Variants in UTRN observed in about 807,000 individuals in gnomAD.
UTRN encodes the protein utrophin, also known as dystrophin-related protein 1.
Under a neutral mutation model 463.9 loss-of-function variants are expected in UTRN, and 283 were observed. That is an observed-to-expected ratio of 0.61 (90% CI 0.55 to 0.67). The LOEUF is 0.67. UTRN is among the 30% of genes least tolerant of loss of function. The pLI, the probability that UTRN is intolerant of heterozygous loss-of-function variation, is 0.00. For synonymous variants in UTRN, 1,442 were observed against 1,431.5 expected, an observed-to-expected ratio of 1.01 and a Z score of -0.17; for missense variants, 3,922 against 4,084.3, an observed-to-expected ratio of 0.96 and a Z score of 1.08.
At chr6:144,696,232 A>T (rs1387371590) in intron 52 of UTRN, among the ~76,000 whole-genome samples, 1 of 151,838 alleles carries the variant, frequency 6.6e-6, no homozygotes, top group African/African-American at 2.4e-5. Context: ...CTAATAGAGG[A>T]ACTGCTCTCT....
At chr6:144,707,886 C>A (rs751303895) in intron 53 of UTRN, among the ~76,000 whole-genome samples, 2 of 151,962 alleles carry the variant, frequency 1.3e-5, no homozygotes, top group South Asian at 2.1e-4. Flanking sequence ...CAAAACTATT[C>A]GTATAGAAAA....
chr6:144,622,496 C>T (rs1488707692), intron 51 of UTRN, among the ~76,000 whole-genome samples: 1 of 151,912 alleles, frequency 6.6e-6, no homozygotes, highest in East Asian at 1.9e-4. Flanking sequence ...TGGATGGTAT[C>T]TTCTAATCAA....
intron 39 of UTRN, among the ~76,000 whole-genome samples, chr6:144,517,276 TA>T (rs1795702920): frequency 6.6e-6 from 1 of 152,104 alleles, no homozygotes; most frequent in Non-Finnish European, 1.5e-5. Context: ...ATTTCTAGTT[TA>T]AAAATAACTC....
intron 52 of UTRN, among the ~76,000 whole-genome samples, chr6:144,699,689 T>C (rs1029170431): frequency 2.4e-4 from 36 of 150,492 alleles, no homozygotes; most frequent in African/African-American, 8.3e-4. Flanking sequence ...TGGTTTATAA[T>C]TGTACATTCT....
chr6:144,576,220 G>C (rs948669143), intron 50 of UTRN, among the ~76,000 whole-genome samples: 1 of 152,084 alleles, frequency 6.6e-6, no homozygotes, highest in East Asian at 1.9e-4. Flanking sequence ...AAACATTTGT[G>C]TACAAGTTTT....
chr6:144,428,898 T>G lies in UTRN; in HGVS notation c.694+5T>G, dbSNP rs1346752735. 1.9e-6 allele frequency: 3 copies of G among 1,566,418 alleles called. No homozygotes were observed. The highest frequency in any genetic ancestry group is 1.4e-5 in the African/African-American group (1 of 73,202). ...AAAAGCTGTTAGATCCTGAAGGTAT[T>G]GTCCAGTATTTAATTTCCACCTTGA... is the stretch of plus-strand genomic sequence containing the variant. On this transcript the variant is annotated splice_donor_5th_base_variant and intron_variant, in intron 8 of 74. Transcript: ENST00000367545.
At chr6:144,649,962 A>G (rs1778643958) in intron 51 of UTRN, among the ~76,000 whole-genome samples, 1 of 152,200 alleles carries the variant, frequency 6.6e-6, no homozygotes, top group South Asian at 2.1e-4. Context: ...GCTCATTCTC[A>G]TGCTGCTAAT....
chr6:144,835,982 G>A (rs770794192), intron 70 of UTRN, 44 bp downstream of exon 70: 17 of 1,600,490 alleles, frequency 1.1e-5, no homozygotes, highest in Non-Finnish European at 1.2e-5. Flanking sequence ...CCTTTCTTTT[G>A]TATGAATTTC....
chr6:144,607,752 T>C (rs754582152), intron 51 of UTRN, among the ~76,000 whole-genome samples: 1 of 152,228 alleles, frequency 6.6e-6, no homozygotes, highest in Admixed American at 6.5e-5. Flanking sequence ...TAGTTTCTTG[T>C]CCAAAGACTG....
intron 54 of UTRN, among the ~76,000 whole-genome samples, chr6:144,746,536 G>A (rs1047547671): frequency 1.1e-4 from 17 of 151,930 alleles, no homozygotes; most frequent in African/African-American, 3.9e-4. Context: ...CCAGGCAATG[G>A]CACTGTGTCG....
chr6:144,320,095 G>T (rs924283418), intron 2 of UTRN, among the ~76,000 whole-genome samples: 1 of 150,374 alleles, frequency 6.7e-6, no homozygotes, highest in African/African-American at 2.5e-5. Context: ...CTCGTGATCC[G>T]CCCGCCTCCG....
At chr6:144,364,082 G>A (rs1171254946) in intron 2 of UTRN, among the ~76,000 whole-genome samples, 1 of 152,200 alleles carries the variant, frequency 6.6e-6, no homozygotes, top group Non-Finnish European at 1.5e-5. Context: ...GGACCTGGAT[G>A]TTGAGGTTGG....
At chr6:144,801,666 A>C (rs1205560080) in intron 64 of UTRN, among the ~76,000 whole-genome samples, 1 of 152,206 alleles carries the variant, frequency 6.6e-6, no homozygotes, top group Non-Finnish European at 1.5e-5. Context: ...TTCAGTTAGA[A>C]TCATACACAA....
At chr6:144,443,453 G>A (rs1240798925) in intron 13 of UTRN, among the ~76,000 whole-genome samples, 1 of 152,112 alleles carries the variant, frequency 6.6e-6, no homozygotes, top group Non-Finnish European at 1.5e-5. Flanking sequence ...TGGCTCTTAA[G>A]TTTTCTCCCC....
At chr6:144,471,089 GGGGAGA>G (rs1252008892) in intron 23 of UTRN, among the ~76,000 whole-genome samples, 42 of 123,628 alleles carry the variant, frequency 3.4e-4, no homozygotes, top group East Asian at 8.5e-4. Context: ...GGAGGGGGAG[GGGGAGA>G]GGGAGAGGGA....
At chr6:144,713,974 G>A (rs1786080291) in intron 53 of UTRN, among the ~76,000 whole-genome samples, 1 of 148,396 alleles carries the variant, frequency 6.7e-6, no homozygotes, top group Non-Finnish European at 1.5e-5. Flanking sequence ...ACTATGAAAA[G>A]CAAAAGAATT....
At chr6:144,759,125 T>C (rs1792347978) in intron 58 of UTRN, among the ~76,000 whole-genome samples, 2 of 152,058 alleles carry the variant, frequency 1.3e-5, no homozygotes, top group South Asian at 4.1e-4. Flanking sequence ...TAATAAGCAA[T>C]ATACGTTACA....
chr6:144,827,294 A>G, intron 66 of UTRN, 54 bp from the exon 67 acceptor site: 1 of 1,604,722 alleles, frequency 6.2e-7, no homozygotes, highest in Admixed American at 1.7e-5. Flanking sequence ...TTTGTCTTAA[A>G]TTGCTCTAAA....
At chr6:144,292,671 A>T (rs563617674) in intron 2 of UTRN, among the ~76,000 whole-genome samples, 1 of 152,240 alleles carries the variant, frequency 6.6e-6, no homozygotes, top group Non-Finnish European at 1.5e-5. Context: ...TTGAACAGGC[A>T]GAACACTTCT....
Sources: allele counts gnomAD v4.1 joint callset (sites outside exome capture counted in the v4.1 genomes callset), GRCh38; gene constraint gnomAD v4.1.1; transcripts MANE v1.5; gene names NCBI Gene and HGNC (gene_info 2026-07-23, HGNC 2026-07-21).